Variants in PPP2R2B observed in about 807,000 individuals in gnomAD.
The protein encoded by PPP2R2B is protein phosphatase 2 regulatory subunit Bbeta.
Under a neutral mutation model 46.0 loss-of-function variants are expected in PPP2R2B, and 5 were observed. The ratio of observed to expected loss-of-function variants is 0.11; its 90% CI spans 0.06 to 0.23. The LOEUF (loss-of-function observed/expected upper bound fraction) is 0.23, where lower values mean the gene tolerates loss of function less well. PPP2R2B is among the 10% of genes least tolerant of loss of function. The probability of loss-of-function intolerance (pLI) is 1.00; values close to 1 mark genes in which losing one functional copy is unlikely to be tolerated. For synonymous variants in PPP2R2B, 215 were observed against 206.7 expected (o/e 1.04, Z -0.34); for missense variants, 367 against 575.0 (o/e 0.64, Z 3.70).
intron 4 of PPP2R2B, among the ~76,000 whole-genome samples, chr5:146,693,380 A>C (rs1343703109): frequency 6.6e-6 from 1 of 151,910 alleles, no homozygotes; most frequent in Non-Finnish European, 1.5e-5. Context: ...ACGCCCAGAG[A>C]ATTTTTCTAT....
At chr5:147,070,045 T>C (rs1757540783) in intron 2 of PPP2R2B, among the ~76,000 whole-genome samples, 1 of 152,086 alleles carries the variant, frequency 6.6e-6, no homozygotes, top group Admixed American at 6.6e-5. Context: ...TGCCTCGGCC[T>C]CCCAAAGTGC....
At chr5:146,634,041 C>A (rs1182997529) in intron 7 of PPP2R2B, among the ~76,000 whole-genome samples, 2 of 152,196 alleles carry the variant, frequency 1.3e-5, no homozygotes, top group South Asian at 4.1e-4. Flanking sequence ...CTTGACTGAG[C>A]CATGGGCTGC....
At chr5:146,916,293 G>T (rs963699301) in intron 1 of PPP2R2B, among the ~76,000 whole-genome samples, 15 of 141,966 alleles carry the variant, frequency 1.1e-4, no homozygotes, top group African/African-American at 2.8e-4. Flanking sequence ...TGTTACCACC[G>T]TTTTTTTTTT....
chr5:146,813,741 A>AAAT (rs1170698448), intron 2 of PPP2R2B, among the ~76,000 whole-genome samples: 2 of 152,204 alleles, frequency 1.3e-5, no homozygotes, highest in Non-Finnish European at 2.9e-5. Context: ...TTTGCCTCCC[A>AAAT]AATAGCCGAA....
intron 2 of PPP2R2B, among the ~76,000 whole-genome samples, chr5:146,864,793 A>T (rs189247339): frequency 6.6e-6 from 1 of 152,212 alleles, no homozygotes; most frequent in Non-Finnish European, 1.5e-5. Context: ...ATCTTTAAGA[A>T]TTTTTTCTCT....
At position 146,820,420 on chromosome 5, in the gene PPP2R2B, A is replaced by G. The variant is rs529578417; in HGVS notation, c.70+57582T>C. Among the ~76,000 whole-genome samples, 6 of 152,320 alleles carry G rather than the reference A, an allele frequency of 3.9e-5. No individual in the cohort carries two copies. In the East Asian group the frequency reaches 9.7e-4, roughly 25 times the overall value. ...AGCAGCCAGTTAAAGAATAAAAGCA[A>G]TTGGCATGGATTCTCATTTGTGGAT... is the stretch of plus-strand genomic sequence containing the variant. On this transcript the variant is annotated intron_variant, in intron 2 of 9. Transcript: ENST00000394411.
intron 2 of PPP2R2B, among the ~76,000 whole-genome samples, chr5:146,770,171 A>C (rs1332354931): frequency 1.3e-5 from 2 of 151,934 alleles, no homozygotes; most frequent in African/African-American, 2.4e-5. Flanking sequence ...TCTACTAAAA[A>C]TACAAAAATT....
intron 7 of PPP2R2B, 33 bp downstream of exon 7, chr5:146,638,218 C>T: frequency 1.3e-6 from 2 of 1,599,546 alleles, no homozygotes; most frequent in East Asian, 2.2e-5. Context: ...GGCCAGTGGC[C>T]ATGCCCCCCA....
At chr5:146,733,163 T>A (rs756382607) in intron 2 of PPP2R2B, among the ~76,000 whole-genome samples, 11 of 152,224 alleles carry the variant, frequency 7.2e-5, no homozygotes, top group Non-Finnish European at 1.0e-4. Context: ...GTTCCCGCAA[T>A]CTGGTTACTC....
chr5:146,759,629 T>C (rs756261897), intron 2 of PPP2R2B, among the ~76,000 whole-genome samples: 11 of 152,162 alleles, frequency 7.2e-5, no homozygotes, highest in Non-Finnish European at 1.6e-4. Flanking sequence ...ATTAGGTGCA[T>C]CCCTTCCTGT....
chr5:147,007,875 A>G (rs1439446028), intron 1 of PPP2R2B, among the ~76,000 whole-genome samples: 2 of 152,114 alleles, frequency 1.3e-5, no homozygotes, highest in East Asian at 3.9e-4. Context: ...ATCTTTAAGA[A>G]CTGTAACACT....
chr5:146,718,054 G>A (rs1302662926), intron 2 of PPP2R2B, among the ~76,000 whole-genome samples: 2 of 151,812 alleles, frequency 1.3e-5, no homozygotes, highest in Non-Finnish European at 2.9e-5. Flanking sequence ...TATTGTTAAT[G>A]TCTGTCTCCC....
At chr5:146,763,575 CA>C (rs1294136666) in intron 2 of PPP2R2B, among the ~76,000 whole-genome samples, 1 of 152,132 alleles carries the variant, frequency 6.6e-6, no homozygotes, top group Non-Finnish European at 1.5e-5. Flanking sequence ...AGGAGGTAAG[CA>C]AGACCAAATG....
intron 2 of PPP2R2B, among the ~76,000 whole-genome samples, chr5:146,702,923 G>A (rs1341889429): frequency 6.6e-6 from 1 of 152,148 alleles, no homozygotes; most frequent in Non-Finnish European, 1.5e-5. Context: ...AGTTTAGAAG[G>A]TCCATTTATG....
intron 1 of PPP2R2B, among the ~76,000 whole-genome samples, chr5:146,972,731 C>A (rs1045607971): frequency 1.3e-5 from 2 of 151,910 alleles, no homozygotes; most frequent in African/African-American, 4.8e-5. Context: ...AAAACAAAAA[C>A]AAAATAGGGA....
At chr5:147,054,638 GC>G (rs907790552) in intron 1 of PPP2R2B, 1 of 455,984 alleles carries the variant, frequency 2.2e-6, no homozygotes, top group African/African-American at 2.0e-5. Flanking sequence ...TAAACACACA[GC>G]CCCCAGTCTC....
At chr5:147,040,976 T>A (rs1756266685) in intron 1 of PPP2R2B, among the ~76,000 whole-genome samples, 1 of 152,164 alleles carries the variant, frequency 6.6e-6, no homozygotes, top group Non-Finnish European at 1.5e-5. Context: ...TTTTCCCCTC[T>A]TCACAGAGTT....
At chr5:146,957,755 C>G (rs1371312824) in intron 1 of PPP2R2B, among the ~76,000 whole-genome samples, 1 of 152,146 alleles carries the variant, frequency 6.6e-6, no homozygotes, top group African/African-American at 2.4e-5. Flanking sequence ...AACACTATAT[C>G]TTGAATAAAT....
chr5:146,916,023 T>A (rs945913199), intron 1 of PPP2R2B, among the ~76,000 whole-genome samples: 1 of 152,194 alleles, frequency 6.6e-6, no homozygotes, highest in Non-Finnish European at 1.5e-5. Flanking sequence ...GGGTGAGTTA[T>A]GTTTCCCATT....
Sources: gnomAD v4.1 joint callset for allele counts (sites outside exome capture counted in the v4.1 genomes callset) on GRCh38, gnomAD v4.1.1 for gene constraint, MANE v1.5 for transcripts, NCBI Gene and HGNC (gene_info 2026-07-23, HGNC 2026-07-21) for gene names.